The following SPAG16 variants were observed in gnomAD, a reference collection of about 807,000 sequenced individuals.
SPAG16 encodes sperm-associated antigen 16 protein.
SPAG16 carries 86 observed loss-of-function variants against 80.4 expected under a neutral mutation model. The observed-to-expected ratio is 1.07, with a 90% CI of 0.90 to 1.28. The LOEUF (loss-of-function observed/expected upper bound fraction) is 1.28. SPAG16 is among the 50% of genes most tolerant of loss of function. The pLI is 0.00. For synonymous variants in SPAG16, 294 were observed against 265.9 expected (o/e 1.11, Z -1.03); for missense variants, 870 against 765.3 (o/e 1.14, Z -1.61).
Position 214,059,258 on chromosome 2 carries a change from A to ATG in SPAG16, c.1527+45183_1527+45184dup, listed in dbSNP as rs1284521463. ...TATATATATGTATGTATATATATGT[A>ATG]TGTATATATATATATATAATCAAGA... On this transcript the variant is annotated intron_variant, in intron 13 of 15. Transcript: ENST00000331683. Among the ~76,000 whole-genome samples, 1,013 of 103,210 alleles carry ATG rather than the reference A, an allele frequency of 9.8e-3. 25 individuals carry two copies. The highest frequency in any genetic ancestry group is 0.035 in the African/African-American group (938 of 27,100). The allele number at this position is 103,210 out of a possible 152,430, so 67.7% of individuals were successfully genotyped here. A position where few individuals can be genotyped will look rare whatever the true frequency, so the allele number is the denominator to read the frequency against.
chr2:214,060,578 T>G (rs1238764476), intron 13 of SPAG16, among the ~76,000 whole-genome samples: 4 of 152,184 alleles, frequency 2.6e-5, no homozygotes, highest in Non-Finnish European at 5.9e-5. Context: ...ATACTTATAA[T>G]GATAAAACTA....
At chr2:213,327,459 C>T (rs2063893771) in intron 5 of SPAG16, among the ~76,000 whole-genome samples, 1 of 152,030 alleles carries the variant, frequency 6.6e-6, no homozygotes, top group South Asian at 2.1e-4. Context: ...AATTCCTATG[C>T]TTTGTTTCCT....
At chr2:213,516,913 G>A (rs1324047908) in intron 10 of SPAG16, among the ~76,000 whole-genome samples, 3 of 152,072 alleles carry the variant, frequency 2.0e-5, no homozygotes, top group African/African-American at 7.2e-5. Context: ...TTAATTCACT[G>A]TGATCTACCA....
intron 14 of SPAG16, among the ~76,000 whole-genome samples, chr2:214,128,739 C>T (rs1425381487): frequency 6.6e-6 from 1 of 151,794 alleles, no homozygotes. Flanking sequence ...TACCTAGTGC[C>T]TCATAAATTC....
chr2:214,074,758 C>G (rs1395942623), intron 13 of SPAG16, among the ~76,000 whole-genome samples: 2 of 151,862 alleles, frequency 1.3e-5, no homozygotes, highest in African/African-American at 4.8e-5. Flanking sequence ...AAAAAATATT[C>G]AAAGGACTAA....
At chr2:213,654,006 A>G (rs1316833897) in intron 10 of SPAG16, among the ~76,000 whole-genome samples, 1 of 152,182 alleles carries the variant, frequency 6.6e-6, no homozygotes, top group Non-Finnish European at 1.5e-5. Flanking sequence ...ATTTGAGAAT[A>G]ATAAAATTTG....
At chr2:214,005,439 T>A (rs1252289234) in intron 12 of SPAG16, among the ~76,000 whole-genome samples, 1 of 152,192 alleles carries the variant, frequency 6.6e-6, no homozygotes, top group African/African-American at 2.4e-5. Flanking sequence ...CAATGTTCAA[T>A]TTATTAGTAT....
chr2:213,830,793 A>G (rs984884444), intron 10 of SPAG16, among the ~76,000 whole-genome samples: 2 of 151,954 alleles, frequency 1.3e-5, no homozygotes, highest in Non-Finnish European at 2.9e-5. Context: ...TTCCATCACA[A>G]ATTTCCCAAA....
chr2:213,689,283 C>T (rs1219875547), intron 10 of SPAG16, among the ~76,000 whole-genome samples: 1 of 152,164 alleles, frequency 6.6e-6, no homozygotes, highest in Non-Finnish European at 1.5e-5. Flanking sequence ...CTAATTTTAT[C>T]ATCTGTGTCA....
intron 15 of SPAG16, among the ~76,000 whole-genome samples, chr2:214,181,530 A>G (rs1388504188): frequency 2.0e-5 from 3 of 151,766 alleles, no homozygotes; most frequent in Admixed American, 6.6e-5. Flanking sequence ...AAGAAACATA[A>G]TGAGGGCACA....
intron 10 of SPAG16, among the ~76,000 whole-genome samples, chr2:213,780,159 C>G (rs1478423138): frequency 2.0e-5 from 3 of 152,194 alleles, no homozygotes; most frequent in Non-Finnish European, 4.4e-5. Flanking sequence ...TCAGCCAGCT[C>G]TGGGGTCTGG....
intron 15 of SPAG16, among the ~76,000 whole-genome samples, chr2:214,313,727 A>G (rs1576754845): frequency 6.6e-6 from 1 of 151,920 alleles, no homozygotes; most frequent in Non-Finnish European, 1.5e-5. Context: ...CTTTGGTTTT[A>G]TTTCCAAAAT....
intron 9 of SPAG16, among the ~76,000 whole-genome samples, chr2:213,397,535 T>C (rs550710472): frequency 6.6e-6 from 1 of 152,300 alleles, no homozygotes; most frequent in South Asian, 2.1e-4. Flanking sequence ...CGTGATATTG[T>C]CACTTTCTTA....
intron 15 of SPAG16, among the ~76,000 whole-genome samples, chr2:214,304,130 T>C (rs987139894): frequency 4.6e-5 from 7 of 152,234 alleles, no homozygotes; most frequent in Non-Finnish European, 2.9e-5. Flanking sequence ...TGTTCCTATG[T>C]TACTTTGCTA....
chr2:213,833,494 A>AC (rs1559506049), intron 10 of SPAG16, among the ~76,000 whole-genome samples: 1 of 1,444 alleles, frequency 6.9e-4, no homozygotes, highest in Admixed American at 0.029. Flanking sequence ...TATTATATAT[A>AC]ATATATATAT....
intron 15 of SPAG16, among the ~76,000 whole-genome samples, chr2:214,223,656 T>C (rs919207625): frequency 6.6e-6 from 1 of 152,098 alleles, no homozygotes; most frequent in Non-Finnish European, 1.5e-5. Flanking sequence ...AAGATACTTC[T>C]ATTATAATAA....
intron 15 of SPAG16, among the ~76,000 whole-genome samples, chr2:214,155,626 C>T (rs927004319): frequency 6.6e-6 from 1 of 152,068 alleles, no homozygotes; most frequent in African/African-American, 2.4e-5. Context: ...ACACGTGACA[C>T]CATGCCTGAG....
chr2:214,234,077 C>CG (rs1167822794), intron 15 of SPAG16, among the ~76,000 whole-genome samples: 3 of 151,670 alleles, frequency 2.0e-5, no homozygotes, highest in Non-Finnish European at 4.4e-5. Context: ...TGTTGTTTCC[C>CG]CCCCCATGTG....
intron 10 of SPAG16, among the ~76,000 whole-genome samples, chr2:213,519,180 G>C (rs994764200): frequency 2.0e-5 from 3 of 152,112 alleles, no homozygotes; most frequent in African/African-American, 7.2e-5. Flanking sequence ...AAAAAAGGTA[G>C]CTATAAAACC....
Sources: gnomAD v4.1 joint callset for allele counts (sites outside exome capture counted in the v4.1 genomes callset) on GRCh38, gnomAD v4.1.1 for gene constraint, MANE v1.5 for transcripts, NCBI Gene and HGNC (gene_info 2026-07-23, HGNC 2026-07-21) for gene names.